The following ATP6V1E1 variants were observed in gnomAD, a reference collection of about 807,000 sequenced individuals.
ATP6V1E1 encodes the protein V-type proton ATPase subunit E 1.
A neutral mutation model predicts 35.2 loss-of-function variants in ATP6V1E1; 21 were observed. The observed-to-expected ratio is 0.60, with a 90% CI of 0.42 to 0.86. The LOEUF is 0.86. Among genes scored for constraint, ATP6V1E1 ranks in the 40% least tolerant of loss-of-function variants. The pLI is 0.00. For missense variants in ATP6V1E1, 183 were observed against 272.6 expected (o/e 0.67, Z 2.32); for synonymous variants, 83 against 87.8 (o/e 0.95, Z 0.30).
intron 2 of ATP6V1E1, among the ~76,000 whole-genome samples, chr22:17,614,874 C>G (rs1293645234): frequency 1.3e-5 from 2 of 149,682 alleles, no homozygotes; most frequent in Non-Finnish European, 3.0e-5. Context: ...GAGGCTGAGG[C>G]AGGAGAATGG....
chr22:17,595,936 C>G (rs547218665), intron 7 of ATP6V1E1, among the ~76,000 whole-genome samples: 1 of 151,974 alleles, frequency 6.6e-6, no homozygotes, highest in South Asian at 2.1e-4. Context: ...TGAGACAATC[C>G]TGGCTAACAA....
intron 8 of ATP6V1E1, among the ~76,000 whole-genome samples, chr22:17,593,120 G>A: frequency 6.6e-6 from 1 of 152,092 alleles, no homozygotes; most frequent in Non-Finnish European, 1.5e-5. Flanking sequence ...CAGGTGGAAA[G>A]CCATGAACCT....
intron 4 of ATP6V1E1, among the ~76,000 whole-genome samples, chr22:17,607,238 A>AC (rs2057791452): frequency 6.6e-6 from 1 of 151,900 alleles, no homozygotes; most frequent in Non-Finnish European, 1.5e-5. Flanking sequence ...GCTCACTGCA[A>AC]CATCTGACTC....
At chr22:17,607,458 A>G (rs1451756405) in intron 4 of ATP6V1E1, among the ~76,000 whole-genome samples, 2 of 152,106 alleles carry the variant, frequency 1.3e-5, no homozygotes, top group African/African-American at 4.8e-5. Context: ...TCTTCATTCC[A>G]TCTACCAGTT....
At chr22:17,602,391 C>A (rs36023351) in intron 4 of ATP6V1E1, among the ~76,000 whole-genome samples, 2 of 131,006 alleles carry the variant, frequency 1.5e-5, no homozygotes, top group South Asian at 4.4e-4. Flanking sequence ...TTTTTTTTTT[C>A]TTTGAGACAG....
At chr22:17,617,330 C>T (rs1452046590) in intron 2 of ATP6V1E1, among the ~76,000 whole-genome samples, 2 of 152,040 alleles carry the variant, frequency 1.3e-5, no homozygotes, top group Non-Finnish European at 2.9e-5. Context: ...TACTCTGTCA[C>T]CCAGGCTAGA....
At chr22:17,605,599 T>C (rs1431823539) in intron 4 of ATP6V1E1, among the ~76,000 whole-genome samples, 1 of 152,080 alleles carries the variant, frequency 6.6e-6, no homozygotes, top group Non-Finnish European at 1.5e-5. Flanking sequence ...AGAACTATCA[T>C]TCACTCAACA....
At chr22:17,607,852 G>A (rs1388899567) in intron 4 of ATP6V1E1, among the ~76,000 whole-genome samples, 2 of 152,220 alleles carry the variant, frequency 1.3e-5, no homozygotes, top group Middle Eastern at 3.4e-3. Context: ...TGATTTTTAT[G>A]CCCATTAAAG....
intron 5 of ATP6V1E1, 118 bp from the exon 6 acceptor site, chr22:17,600,213 T>C (rs943503303): frequency 2.1e-5 from 18 of 844,036 alleles, no homozygotes; most frequent in African/African-American, 1.2e-4. Flanking sequence ...GGCGGGCGGA[T>C]TGCCTGAGCT....
At chr22:17,599,050 A>G (rs1601373596) in intron 6 of ATP6V1E1, among the ~76,000 whole-genome samples, 1 of 152,194 alleles carries the variant, frequency 6.6e-6, no homozygotes, top group Non-Finnish European at 1.5e-5. Context: ...AAGTGAAATG[A>G]AACAGTCACA....
At chr22:17,620,819 T>G (rs983162350) in intron 1 of ATP6V1E1, among the ~76,000 whole-genome samples, 2 of 152,074 alleles carry the variant, frequency 1.3e-5, no homozygotes, top group Non-Finnish European at 2.9e-5. Flanking sequence ...ATCCCAGAAC[T>G]TTGGGAGGCC....
At chr22:17,625,410 C>T (rs1336046219) in intron 1 of ATP6V1E1, among the ~76,000 whole-genome samples, 1 of 151,888 alleles carries the variant, frequency 6.6e-6, no homozygotes, top group East Asian at 1.9e-4. Context: ...AGGCATGCAC[C>T]ACCTCGCCCG....
chr22:17,620,637 C>T (rs1028662932), intron 1 of ATP6V1E1, among the ~76,000 whole-genome samples: 6 of 152,156 alleles, frequency 3.9e-5, no homozygotes, highest in Non-Finnish European at 8.8e-5. Context: ...TACTGAACTG[C>T]TCACCACTCC....
At chr22:17,608,776 T>G (rs980104479) in intron 4 of ATP6V1E1, among the ~76,000 whole-genome samples, 2 of 152,080 alleles carry the variant, frequency 1.3e-5, no homozygotes, top group Non-Finnish European at 2.9e-5. Context: ...TGGAAAACTA[T>G]CCTAAGTTGA....
At chr22:17,626,409 C>T (rs1480861482) in intron 1 of ATP6V1E1, among the ~76,000 whole-genome samples, 5 of 151,582 alleles carry the variant, frequency 3.3e-5, no homozygotes, top group Non-Finnish European at 7.4e-5. Flanking sequence ...GTCTTTTGCT[C>T]TCTCACCCAG....
At chr22:17,606,428 C>T (rs550275273) in intron 4 of ATP6V1E1, among the ~76,000 whole-genome samples, 1 of 152,272 alleles carries the variant, frequency 6.6e-6, no homozygotes, top group Non-Finnish European at 1.5e-5. Flanking sequence ...CCTCAACTCT[C>T]CACATCTCTT....
At chr22:17,600,231 T>C (rs2057755789) in intron 5 of ATP6V1E1, 136 bp from the exon 6 acceptor site, 2 of 701,442 alleles carry the variant, frequency 2.9e-6, no homozygotes. Flanking sequence ...GCTCAGAAGT[T>C]CGAGACCAGC....
At chr22:17,621,852 A>T (rs1014703540) in intron 1 of ATP6V1E1, among the ~76,000 whole-genome samples, 1 of 152,088 alleles carries the variant, frequency 6.6e-6, no homozygotes, top group Non-Finnish European at 1.5e-5. Flanking sequence ...TTCCTCTATC[A>T]CGGCACCTAA....
intron 1 of ATP6V1E1, among the ~76,000 whole-genome samples, chr22:17,625,250 A>G (rs2057898045): frequency 2.0e-5 from 3 of 152,260 alleles, no homozygotes; most frequent in Middle Eastern, 6.8e-3. Flanking sequence ...CTTTCAAGGA[A>G]ATGGAAACAT....
Sources: gnomAD v4.1 joint callset for allele counts (sites outside exome capture counted in the v4.1 genomes callset) on GRCh38, gnomAD v4.1.1 for gene constraint, MANE v1.5 for transcripts, NCBI Gene and HGNC (gene_info 2026-07-23, HGNC 2026-07-21) for gene names.